TNKS: variants seen among roughly 807,000 people sequenced by gnomAD.
TNKS encodes tankyrase.
In TNKS, 72 loss-of-function variants were observed where a neutral mutation model predicts 135.8. The observed-to-expected ratio is 0.53, with a 90% CI of 0.44 to 0.64. The LOEUF is 0.64. TNKS is among the 30% of genes least tolerant of loss of function. The pLI, the probability that TNKS is intolerant of heterozygous loss-of-function variation, is 0.00. For missense variants in TNKS, 1,769 were observed against 1,674.0 expected, an observed-to-expected ratio of 1.06 and a Z score of -0.99; for synonymous variants, 849 against 649.3, an observed-to-expected ratio of 1.31 and a Z score of -4.68.
chr8:9,666,783 C>T (rs933109381), intron 3 of TNKS, among the ~76,000 whole-genome samples: 1 of 151,856 alleles, frequency 6.6e-6, no homozygotes, highest in South Asian at 2.1e-4. Flanking sequence ...TACAAATGTC[C>T]CTGCACATCT....
intron 2 of TNKS, among the ~76,000 whole-genome samples, chr8:9,594,178 C>T (rs780756023): frequency 5.9e-5 from 9 of 152,172 alleles, no homozygotes; most frequent in South Asian, 2.1e-4. Flanking sequence ...TGAGCCACTG[C>T]GCCCGGCTAT....
intron 3 of TNKS, among the ~76,000 whole-genome samples, chr8:9,629,735 T>C (rs1234776957): frequency 6.6e-6 from 1 of 152,224 alleles, no homozygotes; most frequent in African/African-American, 2.4e-5. Context: ...CAGGCTGGAG[T>C]GCAGTGGTGT....
chr8:9,574,780 T>C (rs968878809), intron 1 of TNKS, among the ~76,000 whole-genome samples: 1 of 152,196 alleles, frequency 6.6e-6, no homozygotes, highest in African/African-American at 2.4e-5. Flanking sequence ...GCTGGACAGA[T>C]GACACATTTT....
chr8:9,575,461 C>G, intron 1 of TNKS: 2 of 974,358 alleles, frequency 2.1e-6, no homozygotes, highest in South Asian at 4.7e-5. Context: ...AACAAATAGA[C>G]AAACTGACCA....
chr8:9,639,651 C>A (rs577879989), intron 3 of TNKS, among the ~76,000 whole-genome samples: 1 of 151,312 alleles, frequency 6.6e-6, no homozygotes, highest in Non-Finnish European at 1.5e-5. Flanking sequence ...TTGTATTTAT[C>A]CCTGACTTAA....
At chr8:9,652,708 A>C (rs1167240981) in intron 3 of TNKS, among the ~76,000 whole-genome samples, 1 of 152,324 alleles carries the variant, frequency 6.6e-6, no homozygotes, top group East Asian at 1.9e-4. Context: ...TTAGTAAATC[A>C]AATACTTTAA....
At chr8:9,556,739 A>G (rs878917701) in intron 1 of TNKS, 127 bp downstream of exon 1, 14 of 1,010,996 alleles carry the variant, frequency 1.4e-5, no homozygotes, top group Non-Finnish European at 4.3e-6. Flanking sequence ...TCACCTCACC[A>G]GAAGACTGGA....
intron 20 of TNKS, among the ~76,000 whole-genome samples, chr8:9,760,634 A>G (rs1477980194): frequency 1.3e-5 from 2 of 152,190 alleles, no homozygotes; most frequent in African/African-American, 2.4e-5. Context: ...GGAAAATTGC[A>G]TGTTCAGCCT....
intron 26 of TNKS, among the ~76,000 whole-genome samples, chr8:9,772,699 A>C (rs749302190): frequency 9.2e-5 from 14 of 152,058 alleles, no homozygotes; most frequent in Non-Finnish European, 1.9e-4. Context: ...GTACTTACGT[A>C]AGGCAATATG....
At chr8:9,660,507 T>C (rs1801650934) in intron 3 of TNKS, among the ~76,000 whole-genome samples, 1 of 152,218 alleles carries the variant, frequency 6.6e-6, no homozygotes, top group Admixed American at 6.5e-5. Context: ...TCTCAATAGA[T>C]GCAGAAAAGG....
At chr8:9,765,661 G>A (rs200589337) in intron 23 of TNKS, 31 bp from the exon 24 acceptor site, 44 of 1,557,158 alleles carry the variant, frequency 2.8e-5, no homozygotes, top group Middle Eastern at 1.7e-4. Context: ...ACGTTTCACC[G>A]ATAATGTTTC....
rs1808248585 is a variant in TNKS at position 9,776,862 on chromosome 8, T to C, written c.*126T>C. 1 of 838,060 alleles carries C rather than the reference T, an allele frequency of 1.2e-6. No individual in the cohort carries two copies. The highest frequency in any genetic ancestry group is 2.6e-5 in the East Asian group (1 of 37,978). 51.9% of individuals were successfully genotyped at this position (838,060 alleles called of 1,614,324 possible). ...GCCTAGAAATAAGCTGTTTGTCTTC[T>C]ATAAAGCATTGCTATAGTGATGAAT... On this transcript the variant is annotated 3_prime_UTR_variant, in exon 27 of 27. Coordinates refer to ENST00000310430, the MANE Select transcript of TNKS (RefSeq NM_003747.3).
At position 9,720,478 on chromosome 8, in the gene TNKS, C is replaced by G; in HGVS notation, c.1854C>G (p.Ser618=). The part of the protein sequence containing the change: ...RLLLSYGSDP[S]IISLQGFTAA... The stretch of plus-strand genomic sequence containing the variant: ...TGCTGAGTTACGGCTCTGACCCCTC[C>G]ATCATCTCCTTACAAGGCTTCACAG... The change falls in exon 12 of 27, where the codon TCC becomes TCG. Residue 618 remains serine (S), a synonymous_variant. Coordinates refer to ENST00000310430, the MANE Select transcript of TNKS (RefSeq NM_003747.3). The G allele has an allele frequency of 6.2e-7, 1 of 1,614,148 alleles. No individual in the cohort carries two copies. The highest frequency in any genetic ancestry group is 8.5e-7 in the Non-Finnish European group (1 of 1,180,016).
intron 3 of TNKS, among the ~76,000 whole-genome samples, chr8:9,635,249 G>C (rs1405262706): frequency 1.3e-5 from 2 of 152,102 alleles, no homozygotes; most frequent in Non-Finnish European, 2.9e-5. Context: ...GAACCATCCT[G>C]AAGGGGCTCC....
intron 26 of TNKS, among the ~76,000 whole-genome samples, chr8:9,772,911 G>T (rs896511822): frequency 2.1e-5 from 3 of 145,536 alleles, no homozygotes; most frequent in Admixed American, 1.4e-4. Context: ...ATAGGGAAGG[G>T]GCAAATGATA....
At chr8:9,768,211 T>A (rs1807584144) in intron 25 of TNKS, among the ~76,000 whole-genome samples, 1 of 152,134 alleles carries the variant, frequency 6.6e-6, no homozygotes, top group Admixed American at 6.6e-5. Context: ...GACTAGTATT[T>A]GGCCAGTGCA....
At chr8:9,742,277 C>T (rs1806003266) in intron 17 of TNKS, among the ~76,000 whole-genome samples, 1 of 150,022 alleles carries the variant, frequency 6.7e-6, no homozygotes, top group African/African-American at 2.4e-5. Flanking sequence ...TTTTTTTTGG[C>T]AAACTTTGAC....
intron 7 of TNKS, among the ~76,000 whole-genome samples, chr8:9,706,588 A>G (rs1804058177): frequency 6.6e-6 from 1 of 152,076 alleles, no homozygotes; most frequent in African/African-American, 2.4e-5. Flanking sequence ...GTTTTTTTAG[A>G]TTTTAAGAGA....
intron 1 of TNKS, among the ~76,000 whole-genome samples, chr8:9,561,124 C>A (rs1797316203): frequency 6.6e-6 from 1 of 152,172 alleles, no homozygotes; most frequent in Non-Finnish European, 1.5e-5. Context: ...ATCCGTCAAT[C>A]ATCTTTTTAT....
Sources: allele counts gnomAD v4.1 joint callset (sites outside exome capture counted in the v4.1 genomes callset), GRCh38; gene constraint gnomAD v4.1.1; transcripts MANE v1.5; gene names NCBI Gene and HGNC (gene_info 2026-07-23, HGNC 2026-07-21).